Variants in NEMP2 observed in about 807,000 individuals in gnomAD.
The protein encoded by NEMP2 is UPF0571 transmembrane protein.
In NEMP2, 53 loss-of-function variants were observed where a neutral mutation model predicts 54.2. The ratio of observed to expected loss-of-function variants is 0.98; its 90% CI spans 0.78 to 1.23. The LOEUF is 1.23. Among genes scored for constraint, NEMP2 ranks in the 50% most tolerant of loss-of-function variants. The probability of loss-of-function intolerance (pLI) is 0.00; values close to 1 mark genes in which losing one functional copy is unlikely to be tolerated. For synonymous variants in NEMP2, 197 were observed against 190.3 expected (o/e 1.04, Z -0.29); for missense variants, 455 against 511.3 (o/e 0.89, Z 1.06).
At chr2:190,541,719 T>G in the NEMP2 span, among the ~76,000 whole-genome samples, 1 of 152,230 alleles carries the variant, frequency 6.6e-6, no homozygotes, top group African/African-American at 2.4e-5. This position sits in a 1 kb window ranked among gnomAD's most constrained non-coding sequence, Gnocchi z 5.2. Flanking sequence ...TGCAACTTAG[T>G]GTTTTTACCT....
At chr2:190,602,942 C>T in the NEMP2 span, among the ~76,000 whole-genome samples, 5 of 152,196 alleles carry the variant, frequency 3.3e-5, no homozygotes, top group Non-Finnish European at 4.4e-5. Flanking sequence ...GCCTTATATA[C>T]TGCTGCTGGA....
chr2:190,500,147 C>T (rs572734082), downstream of NEMP2: 43 of 1,614,190 alleles, frequency 2.7e-5, no homozygotes, highest in South Asian at 4.4e-4. This position sits in a 1 kb window ranked among gnomAD's most constrained non-coding sequence, Gnocchi z 5.3. Flanking sequence ...CAGCCCCGCT[C>T]ACCCCAGTGT....
chr2:190,518,892 TG>T, intron 3 of NEMP2, 59 bp downstream of exon 3: 1 of 1,517,176 alleles, frequency 6.6e-7, no homozygotes, highest in Non-Finnish European at 8.9e-7. Flanking sequence ...GTCAATTTAT[TG>T]AAAAGTTACT....
the NEMP2 span, among the ~76,000 whole-genome samples, chr2:190,575,167 T>A: frequency 6.6e-6 from 1 of 152,116 alleles, no homozygotes; most frequent in Admixed American, 6.5e-5. Context: ...CTCTGTTTCT[T>A]TTTACAGGAG....
chr2:190,639,727 C>A, the NEMP2 span, among the ~76,000 whole-genome samples: 1 of 151,994 alleles, frequency 6.6e-6, no homozygotes, highest in Non-Finnish European at 1.5e-5. Context: ...CAGCTTACTG[C>A]AACCTCAGCC....
the NEMP2 span, among the ~76,000 whole-genome samples, chr2:190,546,216 A>AT: frequency 5.3e-5 from 8 of 150,782 alleles, no homozygotes; most frequent in East Asian, 7.8e-4. The surrounding 1 kb of genome is among the most constrained non-coding windows in gnomAD (Gnocchi z 5.1). Context: ...CAGACAGAAA[A>AT]TTTTTTTTTT....
chr2:190,511,812 C>A (rs2125307363), intron 7 of NEMP2, among the ~76,000 whole-genome samples: 1 of 151,378 alleles, frequency 6.6e-6, no homozygotes, highest in South Asian at 2.1e-4. Context: ...CCTCAGCCTC[C>A]CAAACTGCTG....
the NEMP2 span, among the ~76,000 whole-genome samples, chr2:190,546,959 A>G: frequency 6.6e-6 from 1 of 152,222 alleles, no homozygotes; most frequent in African/African-American, 2.4e-5. The surrounding 1 kb of genome is among the most constrained non-coding windows in gnomAD (Gnocchi z 5.1). Flanking sequence ...TTTTGCCTTC[A>G]TAATTGAAAA....
chr2:190,437,256 G>A, the NEMP2 span: 30 of 1,614,078 alleles, frequency 1.9e-5, no homozygotes, highest in African/African-American at 2.8e-4. The surrounding 1 kb of genome is among the most constrained non-coding windows in gnomAD (Gnocchi z 5.9). Context: ...TGGAGATCCC[G>A]CAGGTGGAAA....
chr2:190,522,536 A>G lies in NEMP2; in HGVS notation c.213+2727T>C, dbSNP rs56360300. ...TCTGAATGAAACCCTGTTCTCGGCC[A>G]GGGCACTCCAAAGTTAACCTGAAAA... On this transcript the variant is annotated intron_variant, in intron 2 of 8. Transcript: ENST00000409150. The surrounding 1 kb of genome is among the most constrained non-coding windows in gnomAD (Gnocchi z 5.0). 0.017 allele frequency among the ~76,000 whole-genome samples: 2,517 copies of G among 152,278 alleles called. 73 individuals are homozygous for G. Among genetic ancestry groups the G allele is most frequent in the African/African-American group, 0.057 (2,372 of 41,548 alleles).
At chr2:190,557,894 C>T in the NEMP2 span, among the ~76,000 whole-genome samples, 22 of 152,188 alleles carry the variant, frequency 1.4e-4, no homozygotes, top group African/African-American at 5.1e-4. Context: ...ATTAGTTCAA[C>T]CATTGTGGAA....
chr2:190,591,550 GTT>G, the NEMP2 span, among the ~76,000 whole-genome samples: 1 of 152,106 alleles, frequency 6.6e-6, no homozygotes, highest in Non-Finnish European at 1.5e-5. This position sits in a 1 kb window ranked among gnomAD's most constrained non-coding sequence, Gnocchi z 5.4. Flanking sequence ...TAAAAGAGCT[GTT>G]TTCTCATTTG....
At chr2:190,503,552 T>TTC (rs1470008610), downstream of NEMP2, among the ~76,000 whole-genome samples, 2 of 151,990 alleles carry the variant, frequency 1.3e-5, no homozygotes, top group Non-Finnish European at 2.9e-5. The surrounding 1 kb of genome is among the most constrained non-coding windows in gnomAD (Gnocchi z 6.3). Context: ...GTGTGAGAGG[T>TTC]TAGAGCTTAA....
the NEMP2 span, among the ~76,000 whole-genome samples, chr2:190,589,676 A>G: frequency 6.6e-6 from 1 of 152,290 alleles, no homozygotes; most frequent in East Asian, 1.9e-4. This position sits in a 1 kb window ranked among gnomAD's most constrained non-coding sequence, Gnocchi z 4.3. Flanking sequence ...GTTCAACCTC[A>G]GTGTCAGCAA....
the NEMP2 span, among the ~76,000 whole-genome samples, chr2:190,584,623 A>T: frequency 6.6e-6 from 1 of 152,156 alleles, no homozygotes; most frequent in Non-Finnish European, 1.5e-5. This position sits in a 1 kb window ranked among gnomAD's most constrained non-coding sequence, Gnocchi z 4.2. Flanking sequence ...TTATAATCCC[A>T]GCACTTTGGG....
chr2:190,646,953 G>A, the NEMP2 span: 3 of 152,154 alleles, frequency 2.0e-5, no homozygotes. Flanking sequence ...AAGAGTGTTT[G>A]CAAAACATCA....
chr2:190,502,874 A>T (rs1313562251), downstream of NEMP2, among the ~76,000 whole-genome samples: 1 of 152,190 alleles, frequency 6.6e-6, no homozygotes, highest in Non-Finnish European at 1.5e-5. This position sits in a 1 kb window ranked among gnomAD's most constrained non-coding sequence, Gnocchi z 4.4. Flanking sequence ...ATTTTAAACA[A>T]GAGAATTCTG....
In NEMP2 at chr2:190,507,063, A is replaced by C. The variant is rs889984611; in HGVS notation, c.*2126T>G. 17 of 152,204 alleles carry C rather than the reference A, an allele frequency of 1.1e-4. No homozygotes were observed. Among genetic ancestry groups the C allele is most frequent in the African/African-American group, 4.1e-4 (17 of 41,454 alleles). 9.4% of individuals were successfully genotyped at this position (152,204 alleles called of 1,614,324 possible). On this transcript the variant is annotated 3_prime_UTR_variant, in exon 9 of 9. Transcript: ENST00000409150. This position sits in a 1 kb window ranked among gnomAD's most constrained non-coding sequence, Gnocchi z 4.4. ...TGTACATTGCTTGATGGGGATTAGA[A>C]TTGTGATCAGTACTATAATACACCC...
the NEMP2 span, chr2:190,489,808 G>C: frequency 3.7e-6 from 6 of 1,614,186 alleles, no homozygotes; most frequent in South Asian, 4.4e-5. The surrounding 1 kb of genome is among the most constrained non-coding windows in gnomAD (Gnocchi z 6.6). Context: ...TGGCCTGCTT[G>C]GTGATCCTAC....
Sources: allele counts gnomAD v4.1 joint callset (sites outside exome capture counted in the v4.1 genomes callset), GRCh38; gene constraint gnomAD v4.1.1; non-coding constraint Gnocchi (gnomAD v3.1); transcripts MANE v1.5; gene names NCBI Gene and HGNC (gene_info 2026-07-23, HGNC 2026-07-21).